The following PCDHGA8 variants were observed in gnomAD, a reference collection of about 807,000 sequenced individuals.
PCDHGA8 encodes the protein protocadherin gamma-A8.
Under a neutral mutation model 59.2 loss-of-function variants are expected in PCDHGA8, and 45 were observed. The observed-to-expected ratio is 0.76, with a 90% CI of 0.60 to 0.98. The LOEUF (loss-of-function observed/expected upper bound fraction) is 0.98. PCDHGA8 is among the 50% of genes least tolerant of loss of function. The probability of loss-of-function intolerance (pLI) is 0.00; values close to 1 mark genes in which losing one functional copy is unlikely to be tolerated. For synonymous variants in PCDHGA8, 531 were observed against 519.0 expected, an observed-to-expected ratio of 1.02 and a Z score of -0.32; for missense variants, 1,257 against 1,196.2, an observed-to-expected ratio of 1.05 and a Z score of -0.75.
rs370932300 is a variant in PCDHGA8, at chr5:141,459,955, G to A, written c.2425-34852G>A. Among the ~76,000 whole-genome samples, 15 of 152,316 alleles carry A rather than the reference G, an allele frequency of 9.8e-5. No homozygotes were observed. The East Asian group carries it at 2.3e-3, about 24-fold the overall frequency. The stretch of plus-strand genomic sequence containing the variant: ...TAGCTGGGCGTGATGGCAGGTGCCT[G>A]TAATCCCAGCTACTCAGGAGGCTGA... On this transcript the variant is annotated intron_variant, in intron 1 of 3. Coordinates refer to ENST00000398604, the MANE Select transcript of PCDHGA8 (RefSeq NM_032088.2).
chr5:141,398,975 G>A, intron 1 of PCDHGA8: 2 of 1,613,926 alleles, frequency 1.2e-6, no homozygotes, highest in Middle Eastern at 1.6e-4. Context: ...TCCTTCTACA[G>A]AACCGGGCAA....
In PCDHGA8 at chr5:141,476,229, C is replaced by T; in HGVS notation, c.2425-18578C>T. ...TCCACGGTCATTCACTATGAGATCC[C>T]GGAGGAAAGAGAGAAGGGTTTCGCT... On this transcript the variant is annotated intron_variant, in intron 1 of 3. Coordinates refer to ENST00000398604, the MANE Select transcript of PCDHGA8 (RefSeq NM_032088.2). The surrounding 1 kb of genome is among the most constrained non-coding windows in gnomAD (Gnocchi z 7.6). 1 of 1,613,872 alleles carries T rather than the reference C, an allele frequency of 6.2e-7. No individual in the cohort carries two copies. The highest frequency in any genetic ancestry group is 2.2e-5 in the East Asian group (1 of 44,822).
intron 1 of PCDHGA8, among the ~76,000 whole-genome samples, chr5:141,439,422 A>C (rs1476209707): frequency 6.6e-6 from 1 of 152,188 alleles, no homozygotes; most frequent in Non-Finnish European, 1.5e-5. Context: ...TGAGGTTATA[A>C]ATTCCCAGGA....
At chr5:141,429,037 G>A (rs1404164429) in intron 1 of PCDHGA8, 1 of 152,054 alleles carries the variant, frequency 6.6e-6, no homozygotes, top group African/African-American at 2.4e-5. Flanking sequence ...TGCATTTTTA[G>A]TACAGACGGG....
chr5:141,426,090 T>G (rs545457395), intron 1 of PCDHGA8, among the ~76,000 whole-genome samples: 1 of 152,246 alleles, frequency 6.6e-6, no homozygotes, highest in African/African-American at 2.4e-5. Context: ...CAGGACGATA[T>G]TCTGTTCAGT....
intron 1 of PCDHGA8, chr5:141,422,162 A>T: frequency 6.4e-7 from 1 of 1,571,230 alleles, no homozygotes; most frequent in Non-Finnish European, 8.6e-7. Context: ...GATTTTGAAA[A>T]ATATAGATTC....
chr5:141,485,003 A>G lies in PCDHGA8; in HGVS notation c.2425-9804A>G. On this transcript the variant is annotated intron_variant, in intron 1 of 3. Coordinates refer to ENST00000398604, the MANE Select transcript of PCDHGA8 (RefSeq NM_032088.2). The surrounding 1 kb of genome is among the most constrained non-coding windows in gnomAD (Gnocchi z 5.7). ...CAATCGGGTGGTGAAAGGCAGACAA[A>G]TCTACCCCGCCACCAGCAAAAACGG... 1 of 620,758 alleles carries G rather than the reference A, an allele frequency of 1.6e-6. No homozygotes were observed. The highest frequency in any genetic ancestry group is 2.0e-5 in the South Asian group (1 of 50,492). The allele number at this position is 620,758 out of a possible 1,614,324, so 38.5% of individuals were successfully genotyped here.
intron 1 of PCDHGA8, among the ~76,000 whole-genome samples, chr5:141,463,810 A>G (rs1469182885): frequency 6.6e-6 from 1 of 152,178 alleles, no homozygotes; most frequent in Non-Finnish European, 1.5e-5. Context: ...AAAAGCTTTT[A>G]TCACACATTT....
At chr5:141,413,357 G>A (rs2095629700) in intron 1 of PCDHGA8, 2 of 1,613,874 alleles carry the variant, frequency 1.2e-6, no homozygotes, top group South Asian at 1.1e-5. Flanking sequence ...CTGGCGCCCC[G>A]GGAGCTGGCG....
chr5:141,473,263 T>C (rs2099318134), intron 1 of PCDHGA8, among the ~76,000 whole-genome samples: 1 of 152,210 alleles, frequency 6.6e-6, no homozygotes, highest in African/African-American at 2.4e-5. Context: ...GTCCTTAGTG[T>C]ATGCTATGAT....
At chr5:141,403,251 C>G (rs1276332038) in intron 1 of PCDHGA8, 41 of 1,613,756 alleles carry the variant, frequency 2.5e-5, no homozygotes, top group Non-Finnish European at 3.4e-5. Context: ...GCTCAGAGCC[C>G]GCGGTGTCTG....
intron 1 of PCDHGA8, chr5:141,409,909 T>C (rs772516694): frequency 1.2e-6 from 2 of 1,613,200 alleles, no homozygotes; most frequent in African/African-American, 2.7e-5. Flanking sequence ...CTCTGGGTCC[T>C]GACGGCTCCG....
At chr5:141,400,943 T>G (rs1253479872) in intron 1 of PCDHGA8, among the ~76,000 whole-genome samples, 1 of 152,260 alleles carries the variant, frequency 6.6e-6, no homozygotes, top group East Asian at 1.9e-4. Flanking sequence ...CTTTCTTCAC[T>G]GATTTCACTG....
At chr5:141,415,552 G>A in intron 1 of PCDHGA8, 1 of 1,614,098 alleles carries the variant, frequency 6.2e-7, no homozygotes, top group Admixed American at 1.7e-5. Context: ...TGAGAAAAAC[G>A]ATCCTTTGTC....
intron 1 of PCDHGA8, chr5:141,426,767 A>C (rs1219028777): frequency 2.2e-6 from 1 of 456,666 alleles, no homozygotes. Flanking sequence ...ATGCAGATGT[A>C]GGGCCTCACT....
chr5:141,510,272 TA>T (rs546154379), intron 3 of PCDHGA8, among the ~76,000 whole-genome samples: 4,704 of 130,308 alleles, frequency 0.036, 80 homozygotes, highest in South Asian at 0.057. Flanking sequence ...GACTCCATCT[TA>T]AAAAAAAAAA....
chr5:141,402,785 CG>C, intron 1 of PCDHGA8: 1 of 904,572 alleles, frequency 1.1e-6, no homozygotes, highest in South Asian at 2.1e-5. Context: ...TCCAGTTCTG[CG>C]GCTACACAAA....
Position 141,489,606 on chromosome 5 carries a change from G to A in PCDHGA8, c.2425-5201G>A. The stretch of plus-strand genomic sequence containing the variant: ...TGGAGCTAATCCGTGTAGAGGTAGA[G>A]ATCCTGGATCTCAATGACAACTCTC... On this transcript the variant is annotated intron_variant, in intron 1 of 3. Coordinates refer to ENST00000398604, the MANE Select transcript of PCDHGA8 (RefSeq NM_032088.2). This position sits in a 1 kb window ranked among gnomAD's most constrained non-coding sequence, Gnocchi z 4.5. The A allele has an allele frequency of 6.2e-7, 1 of 1,614,110 alleles. No homozygotes were observed.
intron 1 of PCDHGA8, chr5:141,414,536 C>T (rs2095757034): frequency 6.2e-7 from 1 of 1,613,976 alleles, no homozygotes; most frequent in African/African-American, 1.3e-5. Context: ...GACAACCCAC[C>T]TACCTTCTCT....
Sources: allele counts gnomAD v4.1 joint callset (sites outside exome capture counted in the v4.1 genomes callset), GRCh38; gene constraint gnomAD v4.1.1; non-coding constraint Gnocchi (gnomAD v3.1); transcripts MANE v1.5; gene names NCBI Gene and HGNC (gene_info 2026-07-23, HGNC 2026-07-21).